The following L1TD1 variants were observed in gnomAD, a reference collection of about 807,000 sequenced individuals.
L1TD1 encodes LINE1 type transposase domain containing 1.
A neutral mutation model predicts 25.7 loss-of-function variants in L1TD1; 26 were observed. That is an observed-to-expected ratio of 1.01 (90% confidence interval 0.74 to 1.40). L1TD1 has a LOEUF of 1.40. Among genes scored for constraint, L1TD1 ranks in the 40% most tolerant of loss-of-function variants. The pLI is 0.00. For missense variants in L1TD1, 1,130 were observed against 975.0 expected (o/e 1.16, Z -2.12); for synonymous variants, 421 against 335.6 (o/e 1.25, Z -2.78).
At position 62,206,883 on chromosome 1, in the gene L1TD1, T is replaced by C; in HGVS notation, c.255T>C (p.Ala85=). 1 of 1,613,582 alleles carries C rather than the reference T, an allele frequency of 6.2e-7. No individual in the cohort carries two copies. The highest frequency in any genetic ancestry group is 8.5e-7 in the Non-Finnish European group (1 of 1,179,814). The change falls in exon 3 of 4, where the codon GCT becomes GCC. Residue 85 remains alanine (A), a synonymous_variant. Coordinates refer to ENST00000498273, the MANE Select transcript of L1TD1 (RefSeq NM_019079.5). The part of the protein sequence containing the change: ...NDLKAVLGGK[A]TIPEVKNSEN... The stretch of plus-strand genomic sequence containing the variant: ...TAAAAGCAGTTTTAGGGGGAAAAGC[T>C]ACAATACCTGAGGTAAAGAATTCAG...
At chr1:62,198,075 A>G (rs781456647) in intron 2 of L1TD1, among the ~76,000 whole-genome samples, 7 of 152,172 alleles carry the variant, frequency 4.6e-5, no homozygotes, top group Non-Finnish European at 7.3e-5. Flanking sequence ...GTATAAAGCT[A>G]TTAAAAAAAA....
At chr1:62,204,033 G>A (rs760563138) in intron 2 of L1TD1, among the ~76,000 whole-genome samples, 2 of 152,100 alleles carry the variant, frequency 1.3e-5, no homozygotes, top group Non-Finnish European at 2.9e-5. Context: ...GCCTTTTTTC[G>A]CTATTCTCTA....
At chr1:62,200,836 A>C (rs1457838387) in intron 2 of L1TD1, among the ~76,000 whole-genome samples, 1 of 152,034 alleles carries the variant, frequency 6.6e-6, no homozygotes, top group African/African-American at 2.4e-5. Context: ...AACTCCTGGG[A>C]TTGGGCCACC....
chr1:62,205,785 G>A (rs1445434864), intron 2 of L1TD1, among the ~76,000 whole-genome samples: 1 of 151,910 alleles, frequency 6.6e-6, no homozygotes, highest in Non-Finnish European at 1.5e-5. Flanking sequence ...GGTGTGGAGT[G>A]CAGGGGCACA....
rs1355274819 is a variant in L1TD1 at position 62,210,601 on chromosome 1, A to T, written c.1827A>T (p.Leu609Phe). ...AACTAACATCCAAAGAAGCAGACTT[A>T]ACAGAGGAAACAGAAGAAAACTTGA... ...TEELTSKEAD[L>F]TEETEENLRS... The change falls in exon 4 of 4, where the codon TTA (leucine) becomes TTT (phenylalanine). Residue 609 changes from leucine to phenylalanine, a missense_variant. Transcript: ENST00000498273. 2 of 1,608,796 alleles carry T rather than the reference A, an allele frequency of 1.2e-6. No homozygotes were observed. The highest frequency in any genetic ancestry group is 1.7e-6 in the Non-Finnish European group (2 of 1,177,224).
At position 62,209,829 on chromosome 1, in the gene L1TD1, G is replaced by A. The variant is rs772599708; in HGVS notation, c.1055G>A (p.Ser352Asn). ...AAGCATAGAGCTGGAGAAATAACCAGTGATGGCTTGAGCTTCCTATTTCTT... is the reference window on the plus strand; with the variant it reads ...AAGCATAGAGCTGGAGAAATAACCAATGATGGCTTGAGCTTCCTATTTCTT... ...DSKHRAGEIT[S>N]DGLSFLFLKE... The change falls in exon 4 of 4, where the codon AGT becomes AAT. Residue 352 changes from serine to asparagine, a missense_variant. Physicochemically the swap from Ser to Asn is conservative, Grantham distance 46 (BLOSUM62 1). Coordinates refer to ENST00000498273, the MANE Select transcript of L1TD1 (RefSeq NM_019079.5). The A allele has an allele frequency of 6.2e-7, 1 of 1,613,268 alleles. No homozygotes were observed. Among genetic ancestry groups the A allele is most frequent in the Admixed American group, 1.7e-5 (1 of 59,838 alleles).
Position 62,211,450 on chromosome 1 carries a change from A to G in L1TD1, c.*78A>G. 1 of 1,513,372 alleles carries G rather than the reference A, an allele frequency of 6.6e-7. No homozygotes were observed. Among genetic ancestry groups the G allele is most frequent in the Non-Finnish European group, 8.8e-7 (1 of 1,138,354 alleles). The allele number at this position is 1,513,372 out of a possible 1,614,324, so 93.7% of individuals were successfully genotyped here. On this transcript the variant is annotated 3_prime_UTR_variant, in exon 4 of 4. Coordinates refer to ENST00000498273, the MANE Select transcript of L1TD1 (RefSeq NM_019079.5). The stretch of plus-strand genomic sequence containing the variant: ...AAATCAACAAGTAAAACGAAAATAC[A>G]CTTCTACCCAGAAGGATGGACAGCT...
chr1:62,202,581 TTTA>T (rs1160523836), intron 2 of L1TD1, among the ~76,000 whole-genome samples: 1 of 150,698 alleles, frequency 6.6e-6, no homozygotes, highest in Non-Finnish European at 1.5e-5. Flanking sequence ...TTTAAAATTT[TTTA>T]TTTTTTATTT....
At chr1:62,202,995 T>G (rs533461144) in intron 2 of L1TD1, among the ~76,000 whole-genome samples, 1 of 152,044 alleles carries the variant, frequency 6.6e-6, no homozygotes, top group Non-Finnish European at 1.5e-5. Context: ...ATTTGTTTTT[T>G]AAAAAAACTG....
intron 2 of L1TD1, among the ~76,000 whole-genome samples, chr1:62,204,504 GTTTAA>G (rs1206239417): frequency 6.6e-6 from 1 of 152,074 alleles, no homozygotes. Context: ...AAGTTTTTAA[GTTTAA>G]TTTATCTTTT....
chr1:62,200,613 T>C (rs569610552), intron 2 of L1TD1, among the ~76,000 whole-genome samples: 68 of 152,274 alleles, frequency 4.5e-4, no homozygotes, highest in Admixed American at 2.6e-3. Flanking sequence ...TGTTTTCTAG[T>C]ATTTTTTGGC....
At position 62,210,058 on chromosome 1, in the gene L1TD1, G is replaced by C. The variant is rs139015504; in HGVS notation, c.1284G>C (p.Glu428Asp). The C allele has an allele frequency of 3.8e-5, 61 of 1,613,072 alleles. No homozygotes were observed. In the African/African-American group the frequency reaches 5.6e-4, roughly 15 times the overall value. Residue 428 changes from glutamate to aspartate, a missense_variant, in exon 4 of 4, where the codon GAG (glutamate) becomes GAC (aspartate). Coordinates refer to ENST00000498273, the MANE Select transcript of L1TD1 (RefSeq NM_019079.5). Reference protein sequence around the residue: ...EEEASGLEEDEASGLEEEEEQ... With the variant: ...EEEASGLEEDDASGLEEEEEQ... ...AGGCTTCAGGGTTGGAGGAGGATGA[G>C]GCCTCAGGGCTAGAGGAGGAAGAGG...
At chr1:62,205,243 C>T (rs563714086) in intron 2 of L1TD1, among the ~76,000 whole-genome samples, 2 of 150,686 alleles carry the variant, frequency 1.3e-5, no homozygotes, top group Non-Finnish European at 3.0e-5. Context: ...GAGGCTGAGG[C>T]GGGAGAATTG....
chr1:62,199,270 G>C (rs1423277829), intron 2 of L1TD1, among the ~76,000 whole-genome samples: 2 of 152,130 alleles, frequency 1.3e-5, no homozygotes, highest in Admixed American at 1.3e-4. Flanking sequence ...GGCTGAGGCA[G>C]GTGGATCACC....
Position 62,210,284 on chromosome 1 carries a change from C to T in L1TD1, c.1510C>T (p.Arg504Cys), listed in dbSNP as rs139433745. ...TTSLTEKKASRRQKEIPFSYL... is the reference protein window; with the variant it reads ...TTSLTEKKASCRQKEIPFSYL... ...CTCCCTGACTGAGAAAAAAGCCTCA[C>T]GTAGACAAAAAGAAATTCCCTTTAG... Residue 504 changes from arginine (R) to cysteine (C), a missense_variant, in exon 4 of 4, where the codon CGT becomes TGT. Coordinates refer to ENST00000498273, the MANE Select transcript of L1TD1 (RefSeq NM_019079.5). 1.7e-4 allele frequency: 267 copies of T among 1,614,032 alleles called. 1 individual carries two copies. In the East Asian group the frequency reaches 4.0e-3, roughly 24 times the overall value.
At position 62,210,054 on chromosome 1, in the gene L1TD1, A is replaced by T. The variant is rs752245781; in HGVS notation, c.1280A>T (p.Asp427Val). The T allele has an allele frequency of 6.2e-7, 1 of 1,613,076 alleles. No individual in the cohort carries two copies. Among genetic ancestry groups the T allele is most frequent in the Non-Finnish European group, 8.5e-7 (1 of 1,179,344 alleles). The change falls in exon 4 of 4, where the codon GAT becomes GTT. Residue 427 changes from aspartate to valine, a missense_variant. Asp to Val is a radical substitution (Grantham distance 152). Transcript: ENST00000498273. ...GAAGAGGCTTCAGGGTTGGAGGAGG[A>T]TGAGGCCTCAGGGCTAGAGGAGGAA... ...EEEEASGLEE[D>V]EASGLEEEEE...
chr1:62,195,091 G>T (rs992367269), intron 1 of L1TD1, among the ~76,000 whole-genome samples, 170 bp downstream of exon 1: 1 of 151,524 alleles, frequency 6.6e-6, no homozygotes, highest in Non-Finnish European at 1.5e-5. Flanking sequence ...GGTAAGGCTG[G>T]TCTAGGCGCG....
intron 2 of L1TD1, among the ~76,000 whole-genome samples, chr1:62,202,391 C>T (rs1194848617): frequency 6.6e-6 from 1 of 151,518 alleles, no homozygotes; most frequent in Non-Finnish European, 1.5e-5. Context: ...CATGTTTCCT[C>T]TTTTGACCTT....
At chr1:62,195,473 G>C (rs1277088232) in intron 1 of L1TD1, among the ~76,000 whole-genome samples, 1 of 152,242 alleles carries the variant, frequency 6.6e-6, no homozygotes, top group African/African-American at 2.4e-5. Context: ...GGATGGAGGG[G>C]CCGGGAGCAG....
Sources: allele counts gnomAD v4.1 joint callset (sites outside exome capture counted in the v4.1 genomes callset), GRCh38; gene constraint gnomAD v4.1.1; transcripts MANE v1.5; gene names NCBI Gene and HGNC (gene_info 2026-07-23, HGNC 2026-07-21).